NEDD1: variants seen among roughly 807,000 people sequenced by gnomAD.
NEDD1 encodes the protein NEDD1 gamma-tubulin ring complex targeting factor, also known as protein NEDD1.
Under a neutral mutation model 74.0 loss-of-function variants are expected in NEDD1, and 33 were observed. The observed-to-expected ratio is 0.45, with a 90% CI of 0.34 to 0.60. The LOEUF is 0.60. NEDD1 is among the 20% of genes least tolerant of loss of function. NEDD1 has a pLI of 0.01. For missense variants in NEDD1, 746 were observed against 776.5 expected (o/e 0.96, Z 0.47); for synonymous variants, 250 against 264.4 (o/e 0.95, Z 0.53).
chr12:96,951,445 A>C lies in NEDD1; in HGVS notation c.1825A>C (p.Arg609=), dbSNP rs767658742. Residue 609 remains arginine (R), a synonymous_variant, in exon 15 of 16, where the codon AGG becomes CGG. Transcript: ENST00000266742. ...CATTCTTCCTAGAGAAGCATGCCATAGGGACATTGTGAATTTGCAAGTGGA... is the reference window on the plus strand; with the variant it reads ...CATTCTTCCTAGAGAAGCATGCCATCGGGACATTGTGAATTTGCAAGTGGA... The part of the protein sequence containing the change: ...TLDDFREACH[R]DIVNLQVEMI... The C allele has an allele frequency of 4.5e-6, 7 of 1,568,064 alleles. No homozygotes were observed. The highest frequency in any genetic ancestry group is 5.3e-6 in the Non-Finnish European group (6 of 1,142,692).
chr12:96,936,509 T>C, intron 7 of NEDD1, 102 bp from the exon 8 acceptor site: 3 of 726,928 alleles, frequency 4.1e-6, no homozygotes, highest in Non-Finnish European at 7.2e-6. Context: ...TTGACCAGTT[T>C]GAAGTGTTAA....
chr12:96,929,056 A>G (rs1876051430), intron 6 of NEDD1, among the ~76,000 whole-genome samples: 2 of 151,664 alleles, frequency 1.3e-5, no homozygotes. Flanking sequence ...CTTAAATTAT[A>G]ATTTTTAGTA....
intron 6 of NEDD1, among the ~76,000 whole-genome samples, chr12:96,924,528 T>C (rs1249467136): frequency 6.6e-6 from 1 of 152,228 alleles, no homozygotes; most frequent in Non-Finnish European, 1.5e-5. Flanking sequence ...TATCTTTTAG[T>C]AGATTTATTA....
At chr12:96,935,299 G>A (rs1876979703) in intron 7 of NEDD1, 94 bp downstream of exon 7, 1 of 723,238 alleles carries the variant, frequency 1.4e-6, no homozygotes, top group African/African-American at 1.8e-5. Flanking sequence ...TCTGATTAGT[G>A]TCCAGGGGTC....
intron 6 of NEDD1, among the ~76,000 whole-genome samples, chr12:96,924,263 A>G (rs182631111): frequency 6.6e-6 from 1 of 152,238 alleles, no homozygotes; most frequent in Admixed American, 6.5e-5. Context: ...TTTATGGTAG[A>G]TCGTGATATT....
At chr12:96,931,135 G>T (rs1166342855) in intron 6 of NEDD1, among the ~76,000 whole-genome samples, 1 of 152,072 alleles carries the variant, frequency 6.6e-6, no homozygotes, top group African/African-American at 2.4e-5. Context: ...TATATTTATG[G>T]CCATATATAT....
At chr12:96,929,657 TC>T (rs1385396063) in intron 6 of NEDD1, among the ~76,000 whole-genome samples, 1 of 150,064 alleles carries the variant, frequency 6.7e-6, no homozygotes, top group Admixed American at 6.7e-5. Flanking sequence ...TTTCTGGGGT[TC>T]CCTGACTCTG....
rs1279387209 is a variant in NEDD1 at position 96,952,230 on chromosome 12, A to G, written c.*177A>G. The G allele has an allele frequency of 4.3e-6, 2 of 466,216 alleles. No homozygotes were observed. The highest frequency in any genetic ancestry group is 7.5e-6 in the Non-Finnish European group (2 of 266,466). 28.9% of individuals were successfully genotyped at this position (466,216 alleles called of 1,614,324 possible). ...TCATCTTAAAAATATGTATATTTTT[A>G]TATTAAAAATTGTACAGTATGTCAT... On this transcript the variant is annotated 3_prime_UTR_variant, in exon 16 of 16. Coordinates refer to ENST00000266742, the MANE Select transcript of NEDD1 (RefSeq NM_152905.4).
chr12:96,945,463 G>A (rs1490417908), intron 13 of NEDD1, among the ~76,000 whole-genome samples: 1 of 151,958 alleles, frequency 6.6e-6, no homozygotes, highest in Non-Finnish European at 1.5e-5. Flanking sequence ...CTGTCATGTG[G>A]TATTACATTA....
At chr12:96,910,063 A>G (rs1472790238) in intron 3 of NEDD1, among the ~76,000 whole-genome samples, 168 bp downstream of exon 3, 1 of 152,228 alleles carries the variant, frequency 6.6e-6, no homozygotes, top group Non-Finnish European at 1.5e-5. Flanking sequence ...AATATATCAT[A>G]TGAATGCACT....
chr12:96,909,171 C>T (rs1186655773), intron 2 of NEDD1, among the ~76,000 whole-genome samples: 3 of 120,594 alleles, frequency 2.5e-5, no homozygotes, highest in African/African-American at 9.8e-5. Context: ...AGTGAAACTC[C>T]GTCTCAAAAA....
Position 96,937,366 on chromosome 12 carries a change from G to C in NEDD1, c.1090G>C (p.Gly364Arg). 1 of 1,604,010 alleles carries C rather than the reference G, an allele frequency of 6.2e-7. No individual in the cohort carries two copies. The highest frequency in any genetic ancestry group is 8.5e-7 in the Non-Finnish European group (1 of 1,175,234). ...ACCTATGACATCAGCTATGGGGAAA[G>C]GAACAGTTGCTGTTCAAGAAAAAGC... is the stretch of plus-strand genomic sequence containing the variant. ...PQPMTSAMGK[G>R]TVAVQEKAGL... The change falls in exon 9 of 16, where the codon GGA becomes CGA. Residue 364 changes from glycine to arginine, a missense_variant. This residue lies in a region of NEDD1 where 706 missense variants were observed against 706.7 expected (regional missense o/e 1.00). Coordinates refer to ENST00000266742, the MANE Select transcript of NEDD1 (RefSeq NM_152905.4).
chr12:96,921,775 A>AT (rs372584752), intron 6 of NEDD1, among the ~76,000 whole-genome samples: 53,943 of 140,708 alleles, frequency 0.38, 10,596 homozygotes, highest in Middle Eastern at 0.43. Flanking sequence ...AGCCTGGCTA[A>AT]TTTTTTTTTT....
chr12:96,919,781 A>G (rs1336189645), intron 5 of NEDD1, among the ~76,000 whole-genome samples: 1 of 152,188 alleles, frequency 6.6e-6, no homozygotes, highest in Non-Finnish European at 1.5e-5. Context: ...CCATGTAGAA[A>G]ATTACCTGTC....
chr12:96,942,542 C>G (rs764254818), intron 10 of NEDD1, 35 bp from the exon 11 acceptor site: 42 of 1,052,912 alleles, frequency 4.0e-5, no homozygotes, highest in Non-Finnish European at 5.7e-5. Flanking sequence ...TTCTTTTTCA[C>G]TAGTTTTAAA....
intron 12 of NEDD1, 96 bp downstream of exon 12, chr12:96,943,858 A>G (rs1017724486): frequency 1.6e-5 from 11 of 689,036 alleles, no homozygotes; most frequent in Non-Finnish European, 2.0e-5. Context: ...TAGCATTGCT[A>G]TGCACTTATT....
At chr12:96,950,034 T>C (rs939056209) in intron 14 of NEDD1, among the ~76,000 whole-genome samples, 2 of 151,956 alleles carry the variant, frequency 1.3e-5, no homozygotes, top group Admixed American at 1.3e-4. Flanking sequence ...TATCACACAA[T>C]ATCACAGAGT....
Position 96,940,497 on chromosome 12 carries a change from G to A in NEDD1, c.1206G>A (p.Gly402=), listed in dbSNP as rs1877562360. 2 of 1,606,900 alleles carry A rather than the reference G, an allele frequency of 1.2e-6. No homozygotes were observed. The highest frequency in any genetic ancestry group is 1.7e-6 in the Non-Finnish European group (2 of 1,174,340). The change falls in exon 10 of 16, where the codon GGG becomes GGA. Residue 402 remains glycine, a synonymous_variant. Coordinates refer to ENST00000266742, the MANE Select transcript of NEDD1 (RefSeq NM_152905.4). ...ATTTCTCCAGCTTTGATGATACTGG[G>A]AAAAGTAGTTTAGGTGACATGTTCT... ...NQDFSSFDDT[G]KSSLGDMFSP...
Position 96,935,171 on chromosome 12 carries a change from A to C in NEDD1, c.685A>C (p.Lys229Gln), listed in dbSNP as rs748878028. The C allele has an allele frequency of 6.8e-6, 11 of 1,608,250 alleles. No homozygotes were observed. Among genetic ancestry groups the C allele is most frequent in the Non-Finnish European group, 9.4e-6 (11 of 1,174,596 alleles). The change falls in exon 7 of 16, where the codon AAA becomes CAA. Residue 229 changes from lysine (K) to glutamine (Q), a missense_variant. Transcript: ENST00000266742. The stretch of plus-strand genomic sequence containing the variant: ...GCTCTTTGTAACCATAGGCTTGGAT[A>C]AAAGAATCATCCTCTATGACACTTC... ...ELLFVTIGLD[K>Q]RIILYDTSSK...
Sources: allele counts gnomAD v4.1 joint callset (sites outside exome capture counted in the v4.1 genomes callset), GRCh38; gene constraint gnomAD v4.1.1; regional missense constraint gnomAD v4.1.1; transcripts MANE v1.5; gene names NCBI Gene and HGNC (gene_info 2026-07-23, HGNC 2026-07-21).